Variants in COL4A4 observed in about 807,000 individuals in gnomAD.
The protein encoded by COL4A4 is collagen alpha-4(IV) chain.
A neutral mutation model predicts 192.9 loss-of-function variants in COL4A4; 105 were observed. The observed-to-expected ratio is 0.54, with a 90% CI of 0.46 to 0.64. The LOEUF (loss-of-function observed/expected upper bound fraction) is 0.64. COL4A4 is among the 30% of genes least tolerant of loss of function. The pLI, the probability that COL4A4 is intolerant of heterozygous loss-of-function variation, is 0.00. For synonymous variants in COL4A4, 762 were observed against 769.9 expected (o/e 0.99, Z 0.17); for missense variants, 1,967 against 2,169.3 (o/e 0.91, Z 1.85).
At chr2:227,049,925 G>T in intron 34 of COL4A4, 143 bp downstream of exon 34, 1 of 762,732 alleles carries the variant, frequency 1.3e-6, no homozygotes, top group Non-Finnish European at 2.3e-6. Flanking sequence ...GATCTTGAGT[G>T]TTTGACTGTC....
intron 41 of COL4A4, among the ~76,000 whole-genome samples, chr2:227,029,988 A>C (rs1430236464): frequency 2.6e-5 from 4 of 152,216 alleles, no homozygotes; most frequent in Admixed American, 2.0e-4. Context: ...CAAAAGCAGG[A>C]AGAAGGAGTG....
rs1968510366 is a variant in COL4A4, at chr2:227,031,938, C to T, written c.3817+7G>A. 6.3e-7 allele frequency: 1 copy of T among 1,597,274 alleles called. No homozygotes were observed. Among genetic ancestry groups the T allele is most frequent in the Admixed American group, 1.7e-5 (1 of 59,930 alleles). ...CACTGCCATCCTTTGTCATGATTCT[C>T]TCATACCTCTTGGGCCATCAGGACC... On this transcript the variant is annotated splice_region_variant and intron_variant, in intron 40 of 47. Coordinates refer to ENST00000396625, the MANE Select transcript of COL4A4 (RefSeq NM_000092.5).
At chr2:227,134,472 T>C (rs1323415116) in intron 4 of COL4A4, among the ~76,000 whole-genome samples, 1 of 152,224 alleles carries the variant, frequency 6.6e-6, no homozygotes, top group Non-Finnish European at 1.5e-5. Flanking sequence ...AAGTGAACTT[T>C]GGGGACATAA....
At chr2:227,132,034 C>A (rs1329096349) in intron 4 of COL4A4, among the ~76,000 whole-genome samples, 1 of 152,182 alleles carries the variant, frequency 6.6e-6, no homozygotes, top group African/African-American at 2.4e-5. Context: ...TGTATATGGT[C>A]ATTTGTTACA....
chr2:227,136,217 G>A (rs1348490265), intron 4 of COL4A4, among the ~76,000 whole-genome samples: 1 of 152,160 alleles, frequency 6.6e-6, no homozygotes, highest in African/African-American at 2.4e-5. Context: ...ACAGAGCAGG[G>A]CAGGACAAGT....
At chr2:227,017,164 AG>A (rs1189245792) in intron 44 of COL4A4, among the ~76,000 whole-genome samples, 2 of 152,230 alleles carry the variant, frequency 1.3e-5, no homozygotes, top group Non-Finnish European at 2.9e-5. Context: ...AGGCAGCAGC[AG>A]GGATTCCTCC....
intron 43 of COL4A4, among the ~76,000 whole-genome samples, chr2:227,023,747 C>T (rs918143940): frequency 1.3e-5 from 2 of 152,190 alleles, no homozygotes; most frequent in Non-Finnish European, 2.9e-5. Flanking sequence ...GGCGCGGTGG[C>T]TCATGCCTGT....
At chr2:227,066,965 C>G (rs200851384) in intron 25 of COL4A4, among the ~76,000 whole-genome samples, 57,005 of 136,684 alleles carry the variant, frequency 0.42, 12,089 homozygotes, top group African/African-American at 0.46. Flanking sequence ...CTGTATTCAG[C>G]AAACCCATCT....
At chr2:227,084,712 A>T (rs577892580) in intron 22 of COL4A4, among the ~76,000 whole-genome samples, 118 of 152,302 alleles carry the variant, frequency 7.7e-4, no homozygotes, top group African/African-American at 2.8e-3. Flanking sequence ...TAAATGTGTA[A>T]CCTAAGCGAT....
chr2:227,108,203 T>C (rs1450649824), intron 12 of COL4A4, among the ~76,000 whole-genome samples: 1 of 152,164 alleles, frequency 6.6e-6, no homozygotes, highest in Admixed American at 6.5e-5. Context: ...GTGCTCTTGG[T>C]TCCAGTCATT....
chr2:227,041,856 A>AAGAAAG (rs1971363020), intron 37 of COL4A4, among the ~76,000 whole-genome samples: 3 of 96,972 alleles, frequency 3.1e-5, no homozygotes, highest in East Asian at 2.6e-4. Context: ...AAGAGAAAGA[A>AAGAAAG]AGAAAGAAAG....
intron 44 of COL4A4, among the ~76,000 whole-genome samples, chr2:227,014,819 C>T (rs1158492699): frequency 6.6e-6 from 1 of 152,070 alleles, no homozygotes; most frequent in African/African-American, 2.4e-5. Context: ...AAGAGATTCT[C>T]CTGCCTCCTG....
At chr2:227,090,047 TC>T in intron 20 of COL4A4, 90 bp from the exon 21 acceptor site, 1 of 953,554 alleles carries the variant, frequency 1.0e-6, no homozygotes, top group Non-Finnish European at 1.6e-6. Flanking sequence ...ACTCACATCC[TC>T]CCCCACGTGC....
At chr2:227,103,409 T>C (rs2060636905) in intron 13 of COL4A4, among the ~76,000 whole-genome samples, 1 of 152,182 alleles carries the variant, frequency 6.6e-6, no homozygotes, top group Non-Finnish European at 1.5e-5. Flanking sequence ...GATACCACAG[T>C]GGACCACGGA....
intron 24 of COL4A4, among the ~76,000 whole-genome samples, 186 bp downstream of exon 24, chr2:227,080,257 T>C (rs932671576): frequency 2.6e-5 from 4 of 152,184 alleles, no homozygotes; most frequent in African/African-American, 4.8e-5. Flanking sequence ...TTTTAGACCA[T>C]GTCCAATGAT....
intron 26 of COL4A4, 126 bp downstream of exon 26, chr2:227,062,404 T>C (rs1977342396): frequency 7.1e-6 from 5 of 708,552 alleles, no homozygotes; most frequent in Non-Finnish European, 1.0e-5. Context: ...CCCCTATCCA[T>C]GGTCCCTCAA....
In COL4A4 at chr2:227,121,176, G is replaced by C. The variant is rs185491716; in HGVS notation, c.193-28C>G. Reference sequence around the variant, plus strand: ...GAGAAGGAAGATTAAAAAGAAATGGGGGTGCAATTCTTAATTACTGTCTTC... The same window carrying C: ...GAGAAGGAAGATTAAAAAGAAATGGCGGTGCAATTCTTAATTACTGTCTTC... On this transcript the variant is annotated intron_variant, in intron 4 of 47. Coordinates refer to ENST00000396625, the MANE Select transcript of COL4A4 (RefSeq NM_000092.5). 1,779 of 1,612,104 alleles carry C rather than the reference G, an allele frequency of 1.1e-3. 2 individuals carry two copies. The highest frequency in any genetic ancestry group is 1.3e-3 in the Non-Finnish European group (1,568 of 1,178,970).
chr2:227,057,399 T>A, intron 29 of COL4A4, 40 bp downstream of exon 29: 1 of 1,566,748 alleles, frequency 6.4e-7, no homozygotes, highest in East Asian at 2.3e-5. Context: ...TAATTGTAAG[T>A]AGGGTAAGCC....
At chr2:227,142,625 C>T (rs1198537301) in intron 3 of COL4A4, among the ~76,000 whole-genome samples, 1 of 151,896 alleles carries the variant, frequency 6.6e-6, no homozygotes, top group African/African-American at 2.4e-5. Context: ...GATGTGATGG[C>T]ACATGCCTGG....
Sources: gnomAD v4.1 joint callset for allele counts (sites outside exome capture counted in the v4.1 genomes callset) on GRCh38, gnomAD v4.1.1 for gene constraint, MANE v1.5 for transcripts, NCBI Gene and HGNC (gene_info 2026-07-23, HGNC 2026-07-21) for gene names.